NTM: variants seen among roughly 807,000 people sequenced by gnomAD.
The protein encoded by NTM is neurotrimin, also known as IgLON family member 2.
A neutral mutation model predicts 42.1 loss-of-function variants in NTM; 13 were observed. That is an observed-to-expected ratio of 0.31 (90% confidence interval 0.20 to 0.49). The LOEUF (loss-of-function observed/expected upper bound fraction) is 0.49, where lower values mean the gene tolerates loss of function less well. Among genes scored for constraint, NTM ranks in the 20% least tolerant of loss-of-function variants. The pLI is 0.99. For missense variants in NTM, 373 were observed against 452.8 expected (o/e 0.82, Z 1.60); for synonymous variants, 187 against 179.2 (o/e 1.04, Z -0.35).
At chr11:131,806,831 A>G (rs1458717919) in intron 1 of NTM, among the ~76,000 whole-genome samples, 1 of 152,254 alleles carries the variant, frequency 6.6e-6, no homozygotes, top group African/African-American at 2.4e-5. Flanking sequence ...TAAGCAGTGC[A>G]GGATTACAAG....
chr11:132,031,972 A>G (rs1003766119), intron 2 of NTM, among the ~76,000 whole-genome samples: 10 of 151,872 alleles, frequency 6.6e-5, no homozygotes, highest in Admixed American at 6.6e-4. Context: ...TTTAATTGGC[A>G]TTTTTGAAGA....
intron 1 of NTM, among the ~76,000 whole-genome samples, chr11:131,460,801 G>C (rs796392420): frequency 6.6e-6 from 1 of 152,166 alleles, no homozygotes; most frequent in African/African-American, 2.4e-5. Context: ...TGATCCGCCC[G>C]CTTGGGCCTC....
Position 132,186,686 on chromosome 11 carries a change from G to A in NTM, c.401-25336G>A, listed in dbSNP as rs2078453867. 2.6e-5 allele frequency among the ~76,000 whole-genome samples: 4 copies of A among 152,216 alleles called. No homozygotes were observed. In the South Asian group the frequency reaches 8.3e-4, roughly 32 times the overall value. Reference sequence around the variant, plus strand: ...ACGATATGTAAATACTTTCATGGAGGTTGTCTTATTTGGTTCTCAGAAGGA... The same window carrying A: ...ACGATATGTAAATACTTTCATGGAGATTGTCTTATTTGGTTCTCAGAAGGA... On this transcript the variant is annotated intron_variant, in intron 3 of 8. Transcript: ENST00000683400.
intron 1 of NTM, among the ~76,000 whole-genome samples, chr11:131,669,447 A>G (rs1396798093): frequency 1.3e-5 from 2 of 152,212 alleles, no homozygotes; most frequent in Non-Finnish European, 2.9e-5. Context: ...GATACTTAGC[A>G]TCCATTAAGT....
chr11:131,790,345 A>G (rs901115112), intron 1 of NTM, among the ~76,000 whole-genome samples: 10 of 152,170 alleles, frequency 6.6e-5, no homozygotes, highest in African/African-American at 2.4e-4. Flanking sequence ...TCATATTGCA[A>G]TGACATTTCT....
intron 1 of NTM, among the ~76,000 whole-genome samples, chr11:131,550,460 G>A (rs1402805163): frequency 1.3e-5 from 2 of 152,092 alleles, no homozygotes; most frequent in African/African-American, 2.4e-5. Context: ...GCTGTTCTTG[G>A]CATAGTGGGT....
chr11:131,660,668 A>G (rs951296639), intron 1 of NTM: 3 of 438,564 alleles, frequency 6.8e-6, no homozygotes, highest in African/African-American at 6.0e-5. Flanking sequence ...CCTTTCATCC[A>G]TGAAGCGGGG....
At chr11:131,576,454 T>C (rs1415963742) in intron 1 of NTM, among the ~76,000 whole-genome samples, 2 of 152,290 alleles carry the variant, frequency 1.3e-5, no homozygotes, top group East Asian at 3.9e-4. Context: ...CATTGTCTTA[T>C]ACTTTTGCTC....
chr11:132,033,202 C>T (rs2076134401), intron 2 of NTM, among the ~76,000 whole-genome samples: 1 of 152,160 alleles, frequency 6.6e-6, no homozygotes, highest in Non-Finnish European at 1.5e-5. Flanking sequence ...TCTGACAACT[C>T]CTCCGAAAGA....
At chr11:131,980,408 A>T (rs977791522) in intron 2 of NTM, among the ~76,000 whole-genome samples, 1 of 152,162 alleles carries the variant, frequency 6.6e-6, no homozygotes, top group African/African-American at 2.4e-5. Context: ...TTTGCCAAAC[A>T]CCCACTTGGA....
At chr11:131,441,271 A>G (rs985767019) in intron 1 of NTM, among the ~76,000 whole-genome samples, 1 of 152,222 alleles carries the variant, frequency 6.6e-6, no homozygotes, top group African/African-American at 2.4e-5. Flanking sequence ...CTAATCATGC[A>G]AAGCACTCTC....
At chr11:131,999,202 G>A (rs2068705123) in intron 2 of NTM, among the ~76,000 whole-genome samples, 1 of 152,150 alleles carries the variant, frequency 6.6e-6, no homozygotes, top group Non-Finnish European at 1.5e-5. Flanking sequence ...TGCTACTCCT[G>A]TTTGTGTGTC....
chr11:132,121,458 CAA>C (rs1298887067), intron 2 of NTM, among the ~76,000 whole-genome samples: 1 of 151,942 alleles, frequency 6.6e-6, no homozygotes, highest in Non-Finnish European at 1.5e-5. Flanking sequence ...AGATGAGGGA[CAA>C]ATGGAAAATG....
At chr11:131,460,614 G>A (rs974285275) in intron 1 of NTM, among the ~76,000 whole-genome samples, 18 of 151,898 alleles carry the variant, frequency 1.2e-4, no homozygotes, top group East Asian at 5.8e-4. Context: ...GTGCAGTGGC[G>A]CGATCTCAGC....
chr11:131,757,549 C>T (rs187599750), intron 1 of NTM, among the ~76,000 whole-genome samples: 171 of 152,256 alleles, frequency 1.1e-3, no homozygotes, highest in African/African-American at 4.0e-3. Context: ...CATTTCCAGG[C>T]GTGTTAGGTC....
intron 1 of NTM, among the ~76,000 whole-genome samples, chr11:131,383,707 G>A (rs1192034963): frequency 6.6e-6 from 1 of 152,148 alleles, no homozygotes; most frequent in African/African-American, 2.4e-5. Flanking sequence ...TTATACTGAG[G>A]GAAAAGGGTG....
At chr11:131,734,621 C>T (rs1474676585) in intron 1 of NTM, among the ~76,000 whole-genome samples, 2 of 152,172 alleles carry the variant, frequency 1.3e-5, no homozygotes, top group Non-Finnish European at 2.9e-5. Context: ...GCTCGTATCG[C>T]CCTATGTCCT....
chr11:132,114,861 G>A (rs2063676758), intron 2 of NTM, among the ~76,000 whole-genome samples: 1 of 152,194 alleles, frequency 6.6e-6, no homozygotes, highest in African/African-American at 2.4e-5. Context: ...TGGACAGTTA[G>A]GTTGCTTCCA....
chr11:131,994,613 C>G (rs927801955), intron 2 of NTM, among the ~76,000 whole-genome samples: 2 of 152,028 alleles, frequency 1.3e-5, no homozygotes, highest in African/African-American at 4.8e-5. Context: ...TTTATATGCT[C>G]GTATTTTTCA....
Sources: gnomAD v4.1 joint callset for allele counts (sites outside exome capture counted in the v4.1 genomes callset) on GRCh38, gnomAD v4.1.1 for gene constraint, MANE v1.5 for transcripts, NCBI Gene and HGNC (gene_info 2026-07-23, HGNC 2026-07-21) for gene names.